FAM151B: variants seen among roughly 807,000 people sequenced by gnomAD.
The protein encoded by FAM151B is protein FAM151B.
FAM151B carries 24 observed loss-of-function variants against 31.2 expected under a neutral mutation model. The observed-to-expected ratio is 0.77, with a 90% confidence interval of 0.56 to 1.08. FAM151B has a LOEUF of 1.08. Among genes scored for constraint, FAM151B ranks in the 50% least tolerant of loss-of-function variants. The pLI, the probability that FAM151B is intolerant of heterozygous loss-of-function variation, is 0.00. For synonymous variants in FAM151B, 105 were observed against 111.4 expected (o/e 0.94, Z 0.36); for missense variants, 293 against 328.6 (o/e 0.89, Z 0.84).
At chr5:80,528,793 C>T (rs1015683696) in intron 5 of FAM151B, among the ~76,000 whole-genome samples, 4 of 151,822 alleles carry the variant, frequency 2.6e-5, no homozygotes, top group South Asian at 2.1e-4. Context: ...TAATGGGAGA[C>T]GTTAACATCC....
intron 1 of FAM151B, among the ~76,000 whole-genome samples, chr5:80,495,967 C>G (rs1436982064): frequency 6.6e-6 from 1 of 151,418 alleles, no homozygotes; most frequent in African/African-American, 2.4e-5. Context: ...TATGTATGAG[C>G]AAAGACAGTA....
intron 5 of FAM151B, chr5:80,522,542 C>T (rs1183049695): frequency 6.5e-6 from 1 of 152,986 alleles, no homozygotes; most frequent in Admixed American, 6.5e-5. Context: ...CAGGAGGATC[C>T]CCTGAACCCA....
At chr5:80,537,000 G>T (rs543054771) in intron 5 of FAM151B, among the ~76,000 whole-genome samples, 1 of 152,110 alleles carries the variant, frequency 6.6e-6, no homozygotes, top group African/African-American at 2.4e-5. Flanking sequence ...GCACAATGGG[G>T]TTCATTTAAT....
chr5:80,538,437 T>C lies in FAM151B; in HGVS notation c.672-3236T>C, dbSNP rs1561383386. On this transcript the variant is annotated intron_variant, in intron 5 of 5. Coordinates refer to ENST00000282226, the MANE Select transcript of FAM151B (RefSeq NM_205548.3). ...CTTTCTTTCTTTCTTTCTTTCTTTCTTTCTTTCTTTCTCTTTCTTTCTTTC... is the reference window on the plus strand; with the variant it reads ...CTTTCTTTCTTTCTTTCTTTCTTTCCTTCTTTCTTTCTCTTTCTTTCTTTC... 4.6e-4 allele frequency among the ~76,000 whole-genome samples: 26 copies of C among 56,058 alleles called. 1 individual carries two copies. The highest frequency in any genetic ancestry group is 2.3e-3 in the African/African-American group (24 of 10,244). 36.8% of individuals were successfully genotyped at this position (56,058 alleles called of 152,430 possible). A position where few individuals can be genotyped will look rare whatever the true frequency, so the allele number is the denominator to read the frequency against.
At chr5:80,496,284 A>C (rs890556450) in intron 1 of FAM151B, among the ~76,000 whole-genome samples, 4 of 152,210 alleles carry the variant, frequency 2.6e-5, no homozygotes, top group Non-Finnish European at 5.9e-5. Flanking sequence ...AGCCATCAAC[A>C]TTGAGGCAAG....
At chr5:80,511,028 A>G (rs1744158170) in intron 2 of FAM151B, 1 of 152,246 alleles carries the variant, frequency 6.6e-6, no homozygotes, top group Non-Finnish European at 1.5e-5. Context: ...CACATACCCA[A>G]AACAGCATAG....
At position 80,501,877 on chromosome 5, in the gene FAM151B, T is replaced by G. The variant is rs763127533; in HGVS notation, c.111T>G (p.His37Gln). 2.1e-5 allele frequency: 34 copies of G among 1,605,564 alleles called. No individual in the cohort carries two copies. The Admixed American group carries it at 5.4e-4, about 25-fold the overall frequency. The change falls in exon 2 of 6, where the codon CAT (histidine) becomes CAG (glutamine). Residue 37 changes from histidine to glutamine, a missense_variant. Coordinates refer to ENST00000282226, the MANE Select transcript of FAM151B (RefSeq NM_205548.3). The stretch of plus-strand genomic sequence containing the variant: ...ACGGTGCTGAGATCACCTGGTATCA[T>G]GCAGCTAACCACAAGGCACAAACAA... ...AEDGAEITWYHAANHKAQTNE... is the reference protein window; with the variant it reads ...AEDGAEITWYQAANHKAQTNE...
Position 80,538,529 on chromosome 5 carries a change from C to CTTTCTTTTCTTTCT in FAM151B, c.672-3142_672-3141insTCTTTTCTTTCTTT, listed in dbSNP as rs1561384060. Among the ~76,000 whole-genome samples the CTTTCTTTTCTTTCT allele has an allele frequency of 2.3e-3, 212 of 94,042 alleles. 11 individuals carry two copies. Among genetic ancestry groups the CTTTCTTTTCTTTCT allele is most frequent in the African/African-American group, 0.014 (203 of 14,430 alleles). The allele number at this position is 94,042 out of a possible 152,430, so 61.7% of individuals were successfully genotyped here. A position where few individuals can be genotyped will look rare whatever the true frequency, so the allele number is the denominator to read the frequency against. ...TTTTCTTTCTTTCCTTCCTTCCTTC[C>CTTTCTTTTCTTTCT]TTCCTTCCTTCCTTCCTTCCTTCCT... On this transcript the variant is annotated intron_variant, in intron 5 of 5. Coordinates refer to ENST00000282226, the MANE Select transcript of FAM151B (RefSeq NM_205548.3).
rs1744893017 is a variant in FAM151B at position 80,524,939 on chromosome 5, A to G, written c.671+2801A>G. Among the ~76,000 whole-genome samples the G allele has an allele frequency of 2.0e-5, 3 of 152,190 alleles. No individual in the cohort carries two copies. In the South Asian group the frequency reaches 6.2e-4, roughly 31 times the overall value. ...AAATAATGCCCAGCACATCATAGGA[A>G]TTTAATAAATAGTTGTTAAATGGAA... On this transcript the variant is annotated intron_variant, in intron 5 of 5. Transcript: ENST00000282226.
intron 4 of FAM151B, among the ~76,000 whole-genome samples, chr5:80,520,347 A>C (rs1580439587): frequency 6.6e-6 from 1 of 152,136 alleles, no homozygotes; most frequent in Non-Finnish European, 1.5e-5. Flanking sequence ...AGAGTTATTT[A>C]AAATAGATAT....
At chr5:80,511,850 GC>G (rs1349003018) in intron 2 of FAM151B, among the ~76,000 whole-genome samples, 16 of 152,148 alleles carry the variant, frequency 1.1e-4, no homozygotes, top group Middle Eastern at 3.4e-3. Context: ...CAGGTGATCT[GC>G]CTGCCTCAGC....
At chr5:80,531,929 T>C (rs1745260479) in intron 5 of FAM151B, among the ~76,000 whole-genome samples, 1 of 152,090 alleles carries the variant, frequency 6.6e-6, no homozygotes, top group Non-Finnish European at 1.5e-5. Flanking sequence ...TATAAAGACA[T>C]ATGGACACAT....
At chr5:80,501,047 T>A in intron 1 of FAM151B, 1 of 476,528 alleles carries the variant, frequency 2.1e-6, no homozygotes, top group Non-Finnish European at 3.8e-6. Flanking sequence ...AGAGTCTCAC[T>A]CTGTCACCCA....
chr5:80,493,643 C>T (rs773718308), intron 1 of FAM151B, among the ~76,000 whole-genome samples: 7 of 152,086 alleles, frequency 4.6e-5, no homozygotes, highest in Admixed American at 2.0e-4. Context: ...CTGTCTTATG[C>T]GGTTGATATA....
chr5:80,523,793 T>G (rs1187745884), intron 5 of FAM151B, among the ~76,000 whole-genome samples: 4 of 152,188 alleles, frequency 2.6e-5, no homozygotes, highest in African/African-American at 7.2e-5. Flanking sequence ...TGAATTGAGC[T>G]TAGAGTAGTT....
Position 80,519,913 on chromosome 5 carries a change from A to G in FAM151B, c.535+3A>G. 6.2e-7 allele frequency: 1 copy of G among 1,607,464 alleles called. No homozygotes were observed. The highest frequency in any genetic ancestry group is 1.3e-5 in the African/African-American group (1 of 74,830). ...GCATCCTGAGAAAGTCAATGAAGGT[A>G]ATAATTCTAATAATGTATTTCTTGG... On this transcript the variant is annotated splice_donor_region_variant and intron_variant, in intron 4 of 5. Transcript: ENST00000282226.
At chr5:80,538,504 T>TTTCTTTC (rs1561383914) in intron 5 of FAM151B, among the ~76,000 whole-genome samples, 4 of 103,096 alleles carry the variant, frequency 3.9e-5, no homozygotes, top group African/African-American at 1.8e-4. Context: ...CCTTCCTTTC[T>TTTCTTTC]TTTCTTTCTT....
intron 1 of FAM151B, chr5:80,500,889 G>A (rs971793781): frequency 1.1e-5 from 9 of 816,212 alleles, no homozygotes; most frequent in Non-Finnish European, 1.7e-5. Flanking sequence ...TCCTCTGCAT[G>A]GAGGATCTGA....
At chr5:80,539,488 TC>T (rs1416544422) in intron 5 of FAM151B, among the ~76,000 whole-genome samples, 2 of 152,132 alleles carry the variant, frequency 1.3e-5, no homozygotes, top group African/African-American at 4.8e-5. Flanking sequence ...TTTGTTTTGT[TC>T]TTGTTTTTGT....
Sources: allele counts gnomAD v4.1 joint callset (sites outside exome capture counted in the v4.1 genomes callset), GRCh38; gene constraint gnomAD v4.1.1; transcripts MANE v1.5; gene names NCBI Gene and HGNC (gene_info 2026-07-23, HGNC 2026-07-21).